The following C13orf42 variants were observed in gnomAD, a reference collection of about 807,000 sequenced individuals.
The protein encoded by C13orf42 is chromosome 13 open reading frame 42.
intron 1 of C13orf42, among the ~76,000 whole-genome samples, chr13:51,093,336 G>A (rs1953199811): frequency 6.6e-6 from 1 of 152,172 alleles, no homozygotes; most frequent in African/African-American, 2.4e-5. Context: ...CCTCAGATCT[G>A]GAGCAGGGCT....
intron 1 of C13orf42, among the ~76,000 whole-genome samples, chr13:51,093,609 C>T (rs2035764897): frequency 6.6e-6 from 1 of 152,232 alleles, no homozygotes; most frequent in East Asian, 1.9e-4. Flanking sequence ...GTATCACACA[C>T]CAGGAGGCAC....
chr13:51,137,921 G>C (rs1217146195), intron 1 of C13orf42, among the ~76,000 whole-genome samples: 1 of 152,154 alleles, frequency 6.6e-6, no homozygotes, highest in African/African-American at 2.4e-5. Context: ...AATGTGCCAT[G>C]GATGTGCTTT....
chr13:51,095,605 T>A (rs942827803), intron 1 of C13orf42, among the ~76,000 whole-genome samples: 1 of 152,060 alleles, frequency 6.6e-6, no homozygotes, highest in Non-Finnish European at 1.5e-5. Context: ...TCTTCAAGTC[T>A]GCTGATTTTT....
chr13:51,152,280 T>G (rs1297754563), intron 1 of C13orf42, among the ~76,000 whole-genome samples: 1 of 152,230 alleles, frequency 6.6e-6, no homozygotes, highest in African/African-American at 2.4e-5. Context: ...AGGCTGTACG[T>G]CTCCTGTGGA....
chr13:51,121,469 T>A (rs1448637251), intron 1 of C13orf42, among the ~76,000 whole-genome samples: 1 of 152,024 alleles, frequency 6.6e-6, no homozygotes, highest in Non-Finnish European at 1.5e-5. Flanking sequence ...CATATCAAAA[T>A]CCTTAAAATT....
chr13:51,101,741 G>C (rs1953294605), intron 1 of C13orf42, among the ~76,000 whole-genome samples: 2 of 152,198 alleles, frequency 1.3e-5, no homozygotes, highest in Non-Finnish European at 2.9e-5. Flanking sequence ...ATAAGCAAAA[G>C]AACAGACAAT....
intron 1 of C13orf42, among the ~76,000 whole-genome samples, chr13:51,141,095 G>GGTGTGTGTGT (rs3043870): frequency 0.047 from 6,084 of 128,438 alleles, 220 homozygotes; most frequent in Admixed American, 0.083. Context: ...ATCGAAGGGA[G>GGTGTGTGTGT]GTGTGTGTGT....
At chr13:51,088,263 A>G (rs770822151) in intron 1 of C13orf42, among the ~76,000 whole-genome samples, 188 bp from the exon 2 acceptor site, 6 of 152,206 alleles carry the variant, frequency 3.9e-5, no homozygotes, top group Non-Finnish European at 7.3e-5. Flanking sequence ...CTGTAGGTCA[A>G]TGGATTTCTA....
At chr13:51,086,456 TTGTG>T (rs1292636215) in intron 2 of C13orf42, among the ~76,000 whole-genome samples, 3 of 151,804 alleles carry the variant, frequency 2.0e-5, no homozygotes, top group South Asian at 2.1e-4. Flanking sequence ...GTTTGTGAGT[TTGTG>T]TGTGTGTATG....
intron 2 of C13orf42, among the ~76,000 whole-genome samples, chr13:51,087,187 T>C (rs1475940384): frequency 6.6e-6 from 1 of 152,170 alleles, no homozygotes; most frequent in African/African-American, 2.4e-5. Flanking sequence ...TGTGTTTGGA[T>C]TCTTTGCTCT....
chr13:51,116,939 G>A (rs901211063), intron 1 of C13orf42, among the ~76,000 whole-genome samples: 1 of 152,202 alleles, frequency 6.6e-6, no homozygotes, highest in Non-Finnish European at 1.5e-5. Flanking sequence ...AGGTGGACAC[G>A]GCCAAGCCTT....
In C13orf42 at chr13:51,111,204, G is replaced by T. The variant is rs1953429091; in HGVS notation, c.6C>A (p.Phe2Leu). 4 of 398,598 alleles carry T rather than the reference G, an allele frequency of 1.0e-5. No homozygotes were observed. The highest frequency in any genetic ancestry group is 1.3e-5 in the Non-Finnish European group (3 of 226,092). The allele number at this position is 398,598 out of a possible 1,614,324, so 24.7% of individuals were successfully genotyped here. The change falls in exon 1 of 4, where the codon TTC (phenylalanine) becomes TTA (leucine). Residue 2 changes from phenylalanine (F) to leucine (L), a missense_variant. Transcript: ENST00000563710. Reference protein sequence around the residue: MFRKIHSIFNSS... With the variant: MLRKIHSIFNSS... Reference sequence around the variant, plus strand: ...AGTTAAAGATGGAGTGGATCTTTCTGAACATAGTGCTCGATTTCTTTCTGT... The same window carrying T: ...AGTTAAAGATGGAGTGGATCTTTCTTAACATAGTGCTCGATTTCTTTCTGT...
chr13:51,146,655 T>C (rs1381874266), intron 1 of C13orf42, among the ~76,000 whole-genome samples: 2 of 152,198 alleles, frequency 1.3e-5, no homozygotes, highest in Non-Finnish European at 2.9e-5. Context: ...GGAGGGGGCT[T>C]CCAGGTCTTT....
chr13:51,110,931 C>T lies in C13orf42; in HGVS notation c.279G>A (p.Leu93=). ...QDCLQYLQEL[L]ALRKKYLSSF... ...TGCTGAGATATTTTTTGCGCAAGGC[C>T]AGCAGCTCCTGCAGGTACTGCAGGC... The change falls in exon 1 of 4, where the codon CTG becomes CTA. Residue 93 remains leucine (L), a synonymous_variant. Transcript: ENST00000563710. The T allele has an allele frequency of 2.5e-6, 1 of 398,620 alleles. No homozygotes were observed. The highest frequency in any genetic ancestry group is 2.1e-5 in the African/African-American group (1 of 48,744). 24.7% of individuals were successfully genotyped at this position (398,620 alleles called of 1,614,324 possible).
intron 1 of C13orf42, among the ~76,000 whole-genome samples, chr13:51,160,825 G>T (rs535411162): frequency 2.6e-5 from 4 of 151,824 alleles, no homozygotes; most frequent in African/African-American, 4.8e-5. Flanking sequence ...ATTTCTAATG[G>T]CAATCACTGA....
chr13:51,083,271 G>GT lies in C13orf42; in HGVS notation c.*879dup, dbSNP rs1215159559. The GT allele has an allele frequency of 9.2e-5, 14 of 152,186 alleles. No homozygotes were observed. Among genetic ancestry groups the GT allele is most frequent in the Non-Finnish European group, 1.8e-4 (12 of 68,040 alleles). The allele number at this position is 152,186 out of a possible 1,614,324, so 9.4% of individuals were successfully genotyped here. On this transcript the variant is annotated 3_prime_UTR_variant, in exon 4 of 4. Transcript: ENST00000563710. ...GAAATACAAAGAATATATTTTAAATGTAATTCTGATTCAGATAGTTCCTAA... is the reference window on the plus strand; with the variant it reads ...GAAATACAAAGAATATATTTTAAATGTTAATTCTGATTCAGATAGTTCCTAA...
chr13:51,114,631 GATAGATAGATAGAT>G (rs1566130277), upstream of C13orf42, among the ~76,000 whole-genome samples: 6 of 99,182 alleles, frequency 6.0e-5, no homozygotes, highest in African/African-American at 1.7e-4. Flanking sequence ...TAGATAGATA[GATAGATAGATAGAT>G]AGAGATAGAC....
chr13:51,121,357 T>A (rs756103384), intron 1 of C13orf42, among the ~76,000 whole-genome samples: 3 of 152,016 alleles, frequency 2.0e-5, no homozygotes, highest in Non-Finnish European at 4.4e-5. Context: ...AAATGATACC[T>A]GGGGTTGCAA....
chr13:51,168,620 T>C (rs532750240), intron 1 of C13orf42, among the ~76,000 whole-genome samples: 1 of 152,292 alleles, frequency 6.6e-6, no homozygotes, highest in African/African-American at 2.4e-5. Context: ...TAATGCAGAA[T>C]GGGTCCCCAT....
Sources: allele counts gnomAD v4.1 joint callset (sites outside exome capture counted in the v4.1 genomes callset), GRCh38; gene constraint gnomAD v4.1.1; transcripts MANE v1.5; gene names NCBI Gene and HGNC (gene_info 2026-07-23, HGNC 2026-07-21).